MEIS2: variants seen among roughly 807,000 people sequenced by gnomAD.
MEIS2 encodes the protein homeobox protein Meis2.
In MEIS2, 9 loss-of-function variants were observed where a neutral mutation model predicts 58.6. That is an observed-to-expected ratio of 0.15 (90% CI 0.09 to 0.27). The LOEUF (loss-of-function observed/expected upper bound fraction) is 0.27. Among genes scored for constraint, MEIS2 ranks in the 10% least tolerant of loss-of-function variants. The probability of loss-of-function intolerance (pLI) is 1.00; values close to 1 mark genes in which losing one functional copy is unlikely to be tolerated. For missense variants in MEIS2, 427 were observed against 635.0 expected, an observed-to-expected ratio of 0.67 and a Z score of 3.52; for synonymous variants, 221 against 228.4, an observed-to-expected ratio of 0.97 and a Z score of 0.29.
chr15:36,994,252 T>G (rs928048670), intron 8 of MEIS2, among the ~76,000 whole-genome samples: 8 of 152,094 alleles, frequency 5.3e-5, no homozygotes, highest in Admixed American at 1.3e-4. Context: ...ACTTCAAAAC[T>G]TCTACCCCCA....
At chr15:36,914,092 C>G (rs913819014) in intron 9 of MEIS2, among the ~76,000 whole-genome samples, 1 of 152,062 alleles carries the variant, frequency 6.6e-6, no homozygotes, top group African/African-American at 2.4e-5. Flanking sequence ...CAGCTGTGGC[C>G]CCAATTCTAC....
intron 7 of MEIS2, among the ~76,000 whole-genome samples, chr15:37,047,422 T>C (rs1000148455): frequency 1.3e-5 from 2 of 152,122 alleles, no homozygotes; most frequent in African/African-American, 4.8e-5. Context: ...ATACCATCAT[T>C]TCCCTCCTGT....
chr15:37,088,088 C>T (rs1434159815), intron 6 of MEIS2, among the ~76,000 whole-genome samples: 4 of 152,142 alleles, frequency 2.6e-5, no homozygotes, highest in African/African-American at 9.7e-5. Context: ...GGCATGCCAC[C>T]TCTCACCAGT....
chr15:36,975,796 G>T (rs760443421), intron 8 of MEIS2, among the ~76,000 whole-genome samples: 29 of 152,110 alleles, frequency 1.9e-4, no homozygotes, highest in Non-Finnish European at 4.4e-5. Context: ...GAGATCTATC[G>T]TACAGCATGG....
At chr15:36,901,340 T>C (rs952049727) in intron 9 of MEIS2, among the ~76,000 whole-genome samples, 1 of 152,206 alleles carries the variant, frequency 6.6e-6, no homozygotes, top group Non-Finnish European at 1.5e-5. Context: ...AGTATTTCTC[T>C]GTGCTATGGT....
At chr15:36,931,196 A>G (rs2057963112) in intron 9 of MEIS2, among the ~76,000 whole-genome samples, 1 of 152,226 alleles carries the variant, frequency 6.6e-6, no homozygotes, top group South Asian at 2.1e-4. Context: ...GTCATCAGCC[A>G]AGAGAGGAGA....
intron 8 of MEIS2, among the ~76,000 whole-genome samples, chr15:36,999,814 C>A (rs1358280400): frequency 6.6e-6 from 1 of 152,208 alleles, no homozygotes; most frequent in South Asian, 2.1e-4. Context: ...CTGCATTTCA[C>A]ACTTTTATTT....
chr15:37,021,700 T>C (rs1291696377), intron 8 of MEIS2, among the ~76,000 whole-genome samples: 1 of 152,184 alleles, frequency 6.6e-6, no homozygotes, highest in Non-Finnish European at 1.5e-5. Context: ...TTAGCCAACA[T>C]GGTTCTTTAT....
chr15:37,008,969 T>C (rs945139044), intron 8 of MEIS2, among the ~76,000 whole-genome samples: 2 of 152,122 alleles, frequency 1.3e-5, no homozygotes, highest in African/African-American at 2.4e-5. Context: ...AGATAACCCA[T>C]AAAAGTATGG....
chr15:37,011,607 GTTTTTTTTTTTT>G (rs574386772), intron 8 of MEIS2, among the ~76,000 whole-genome samples: 2 of 66,706 alleles, frequency 3.0e-5, no homozygotes, highest in African/African-American at 6.5e-5. Flanking sequence ...TCTATCAGTG[GTTTTTTTTTTTT>G]TTTTTTTTTT....
At chr15:37,019,798 G>T (rs146649506) in intron 8 of MEIS2, among the ~76,000 whole-genome samples, 2 of 152,292 alleles carry the variant, frequency 1.3e-5, no homozygotes, top group African/African-American at 2.4e-5. Context: ...CCAAACAGAA[G>T]TGACAAAATC....
chr15:36,968,777 T>C (rs973327923), intron 8 of MEIS2, among the ~76,000 whole-genome samples: 25 of 152,196 alleles, frequency 1.6e-4, no homozygotes, highest in Non-Finnish European at 2.8e-4. Context: ...TTAGGAGAGA[T>C]ATACATTATA....
At chr15:37,065,577 C>A (rs1462929957) in intron 7 of MEIS2, among the ~76,000 whole-genome samples, 1 of 151,980 alleles carries the variant, frequency 6.6e-6, no homozygotes, top group Non-Finnish European at 1.5e-5. Flanking sequence ...TATTTCAAGC[C>A]AGATAAAAAC....
At chr15:36,908,292 A>T (rs1313876140) in intron 9 of MEIS2, among the ~76,000 whole-genome samples, 3 of 152,194 alleles carry the variant, frequency 2.0e-5, no homozygotes, top group South Asian at 4.1e-4. Flanking sequence ...TCATCCCGTA[A>T]TCATAAAAGA....
chr15:36,903,513 A>G (rs1462171483), intron 9 of MEIS2, among the ~76,000 whole-genome samples: 1 of 152,248 alleles, frequency 6.6e-6, no homozygotes, highest in African/African-American at 2.4e-5. Context: ...AGATCTGGAT[A>G]CCTACACACC....
At chr15:36,992,908 T>C (rs1017836550) in intron 8 of MEIS2, among the ~76,000 whole-genome samples, 1 of 152,164 alleles carries the variant, frequency 6.6e-6, no homozygotes, top group Non-Finnish European at 1.5e-5. Context: ...TACCTAACTT[T>C]GGATAGAAAA....
intron 9 of MEIS2, among the ~76,000 whole-genome samples, chr15:36,916,139 G>T (rs1205825610): frequency 6.6e-6 from 1 of 151,834 alleles, no homozygotes; most frequent in Middle Eastern, 3.4e-3. Context: ...TAAGAGACAG[G>T]GTCTCAGGCT....
intron 8 of MEIS2, among the ~76,000 whole-genome samples, chr15:37,031,421 ATGTGTGTG>A (rs60605081): frequency 6.8e-6 from 1 of 146,842 alleles, no homozygotes; most frequent in African/African-American, 2.5e-5. Context: ...TCCCTTGCAT[ATGTGTGTG>A]TGTGTGTGTG....
At chr15:36,988,987 T>G (rs565474060) in intron 8 of MEIS2, among the ~76,000 whole-genome samples, 2 of 152,332 alleles carry the variant, frequency 1.3e-5, no homozygotes, top group African/African-American at 4.8e-5. Context: ...GGGTCCTGTT[T>G]TGTAGATATT....
Sources: gnomAD v4.1 joint callset for allele counts (sites outside exome capture counted in the v4.1 genomes callset) on GRCh38, gnomAD v4.1.1 for gene constraint, MANE v1.5 for transcripts, NCBI Gene and HGNC (gene_info 2026-07-23, HGNC 2026-07-21) for gene names.